The following SETBP1 variants were observed in gnomAD, a reference collection of about 807,000 sequenced individuals.
SETBP1 encodes the protein SET binding protein 1.
In SETBP1, 9 loss-of-function variants were observed where a neutral mutation model predicts 101.0. The observed-to-expected ratio is 0.09, with a 90% CI of 0.05 to 0.16. SETBP1 has a LOEUF of 0.16. Ranked by LOEUF, SETBP1 falls within the 10% of genes least tolerant of loss-of-function variation. The probability of loss-of-function intolerance (pLI) is 1.00; values close to 1 mark genes in which losing one functional copy is unlikely to be tolerated. For missense variants in SETBP1, 1,858 were observed against 2,033.8 expected, an observed-to-expected ratio of 0.91 and a Z score of 1.66; for synonymous variants, 818 against 788.5, an observed-to-expected ratio of 1.04 and a Z score of -0.63.
chr18:44,809,045 G>A (rs571209953), intron 2 of SETBP1, among the ~76,000 whole-genome samples: 3 of 152,316 alleles, frequency 2.0e-5, no homozygotes, highest in Non-Finnish European at 4.4e-5. Flanking sequence ...TTCCCAGTGA[G>A]AATAGTGCCT....
chr18:45,038,491 C>A lies in SETBP1; in HGVS notation c.4007C>A (p.Pro1336Gln). The change falls in exon 5 of 6, where the codon CCA (proline) becomes CAA (glutamine). Residue 1336 changes from proline to glutamine, a missense_variant. Around this residue, in one of 12 missense-constraint regions of SETBP1, gnomAD observed 417 missense variants for 389.1 expected, o/e 1.07. Transcript: ENST00000649279. Reference protein sequence around the residue: ...SYDSSMSPGMPSPHLKVDQTA... With the variant: ...SYDSSMSPGMQSPHLKVDQTA... ...TGGGGTTGTTATTTTTTAGGGATGC[C>A]AAGTCCCCACTTAAAAGTGGACCAG... 6.2e-7 allele frequency: 1 copy of A among 1,613,974 alleles called. No individual in the cohort carries two copies. Among genetic ancestry groups the A allele is most frequent in the Non-Finnish European group, 8.5e-7 (1 of 1,179,976 alleles).
At chr18:44,809,265 C>T (rs895385011) in intron 2 of SETBP1, among the ~76,000 whole-genome samples, 9 of 152,122 alleles carry the variant, frequency 5.9e-5, no homozygotes, top group African/African-American at 2.2e-4. Context: ...AAATTAATTA[C>T]ATGAATAAGC....
intron 4 of SETBP1, among the ~76,000 whole-genome samples, chr18:44,954,191 C>G: frequency 6.6e-6 from 1 of 152,134 alleles, no homozygotes; most frequent in South Asian, 2.1e-4. Flanking sequence ...TCCTTCCCTG[C>G]TGTTAGGGCC....
At chr18:44,826,534 T>C (rs2072242808) in intron 2 of SETBP1, among the ~76,000 whole-genome samples, 1 of 151,428 alleles carries the variant, frequency 6.6e-6, no homozygotes, top group South Asian at 2.1e-4. Context: ...GGTGAGAGAG[T>C]TGGGGGCATT....
At chr18:44,707,871 C>T (rs2069256566) in intron 2 of SETBP1, among the ~76,000 whole-genome samples, 1 of 152,164 alleles carries the variant, frequency 6.6e-6, no homozygotes, top group African/African-American at 2.4e-5. Flanking sequence ...CTGAGAGTGA[C>T]TCTGTGTAGA....
intron 3 of SETBP1, among the ~76,000 whole-genome samples, chr18:44,913,652 T>G (rs914374585): frequency 2.0e-5 from 3 of 152,222 alleles, no homozygotes; most frequent in Non-Finnish European, 2.9e-5. Flanking sequence ...GAGCTCACAC[T>G]GGCTACCATT....
intron 2 of SETBP1, among the ~76,000 whole-genome samples, chr18:44,860,451 C>T (rs1165142184): frequency 2.0e-5 from 3 of 152,212 alleles, no homozygotes; most frequent in Admixed American, 6.5e-5. Context: ...AGCAGGCATA[C>T]TGCCTGCAAG....
At chr18:44,910,200 C>A (rs917828338) in intron 3 of SETBP1, among the ~76,000 whole-genome samples, 1 of 152,176 alleles carries the variant, frequency 6.6e-6, no homozygotes, top group Non-Finnish European at 1.5e-5. Flanking sequence ...AACATGCCGA[C>A]TCCCTCCTAT....
rs151120801 is a variant in SETBP1 at position 44,974,744 on chromosome 18, T to A, written c.4000+21404T>A. On this transcript the variant is annotated intron_variant, in intron 4 of 5. Transcript: ENST00000649279. The stretch of plus-strand genomic sequence containing the variant: ...AAAATAAGAACATCCCAAACTCTCA[T>A]GATATTAAGAGCAAGACGAGTCAAA... 1.5e-3 allele frequency among the ~76,000 whole-genome samples: 224 copies of A among 152,272 alleles called. 1 individual carries two copies. Among genetic ancestry groups the A allele is most frequent in the African/African-American group, 5.2e-3 (215 of 41,552 alleles).
rs552353041 is a variant in SETBP1 at position 44,851,442 on chromosome 18, G to A, written c.487-17788G>A. ...AACTCAGAAAGTTACCAGAAGTGGT[G>A]GTCAAAAGAAACATATAAACTGGTA... is the stretch of plus-strand genomic sequence containing the variant. On this transcript the variant is annotated intron_variant, in intron 2 of 5. Transcript: ENST00000649279. Among the ~76,000 whole-genome samples, 47 of 152,240 alleles carry A rather than the reference G, an allele frequency of 3.1e-4. 1 individual carries two copies. The highest frequency in any genetic ancestry group is 6.8e-3 in the Middle Eastern group (2 of 294).
chr18:44,895,629 C>T (rs115738472), intron 3 of SETBP1, among the ~76,000 whole-genome samples: 34 of 152,132 alleles, frequency 2.2e-4, no homozygotes, highest in African/African-American at 8.0e-4. Flanking sequence ...TTCCATTACC[C>T]CATGCTGCCT....
chr18:45,027,331 C>A (rs1004447350), intron 4 of SETBP1, among the ~76,000 whole-genome samples: 1 of 152,038 alleles, frequency 6.6e-6, no homozygotes, highest in African/African-American at 2.4e-5. Context: ...TTATTCTGAC[C>A]AGAAGGAAAC....
In SETBP1 at chr18:44,782,776, G is replaced by A. The variant is rs141499109; in HGVS notation, c.486+80944G>A. Among the ~76,000 whole-genome samples, 335 of 152,250 alleles carry A rather than the reference G, an allele frequency of 2.2e-3. 1 individual carries two copies. The highest frequency in any genetic ancestry group is 7.6e-3 in the African/African-American group (316 of 41,554). ...GGAACTTCCCCCAGCTTGTATTCGC[G>A]GTGGGCATACACCACTAACTGGTCA... On this transcript the variant is annotated intron_variant, in intron 2 of 5. Coordinates refer to ENST00000649279, the MANE Select transcript of SETBP1 (RefSeq NM_015559.3).
chr18:44,830,669 G>C (rs1261950031), intron 2 of SETBP1, among the ~76,000 whole-genome samples: 1 of 152,174 alleles, frequency 6.6e-6, no homozygotes, highest in Non-Finnish European at 1.5e-5. Context: ...AGAGTTACTA[G>C]GGATACTGTT....
At chr18:45,052,919 TAA>T (rs2073746220) in intron 5 of SETBP1, among the ~76,000 whole-genome samples, 3 of 152,182 alleles carry the variant, frequency 2.0e-5, no homozygotes, top group South Asian at 4.1e-4. Context: ...AAAACAAAAT[TAA>T]GTTTCAAAAT....
Position 44,946,991 on chromosome 18 carries a change from C to G in SETBP1, c.541-2890C>G, listed in dbSNP as rs973654825. 3.3e-5 allele frequency among the ~76,000 whole-genome samples: 5 copies of G among 152,130 alleles called. No individual in the cohort carries two copies. In the South Asian group the frequency reaches 1.0e-3, roughly 31 times the overall value. On this transcript the variant is annotated intron_variant, in intron 3 of 5. Transcript: ENST00000649279. The stretch of plus-strand genomic sequence containing the variant: ...ACTATTGACAAAATGAAATACCTGT[C>G]GTAAAATGTATGCTTCTTCATTCAT...
chr18:44,854,346 C>T (rs2072931179), intron 2 of SETBP1, among the ~76,000 whole-genome samples: 1 of 152,198 alleles, frequency 6.6e-6, no homozygotes, highest in Non-Finnish European at 1.5e-5. Flanking sequence ...TACTCAGGTA[C>T]ATCTTGAATT....
intron 3 of SETBP1, among the ~76,000 whole-genome samples, chr18:44,891,252 G>A (rs867316221): frequency 3.9e-5 from 6 of 152,052 alleles, no homozygotes; most frequent in Non-Finnish European, 8.8e-5. Context: ...CCCACAACAC[G>A]TGAGAATTCA....
chr18:44,844,046 T>G (rs2072673962), intron 2 of SETBP1, among the ~76,000 whole-genome samples: 1 of 152,140 alleles, frequency 6.6e-6, no homozygotes, highest in Non-Finnish European at 1.5e-5. Flanking sequence ...CTCCTGTCAT[T>G]TTTTTTACAT....
Sources: allele counts gnomAD v4.1 joint callset (sites outside exome capture counted in the v4.1 genomes callset), GRCh38; gene constraint gnomAD v4.1.1; regional missense constraint gnomAD v4.1.1; transcripts MANE v1.5; gene names NCBI Gene and HGNC (gene_info 2026-07-23, HGNC 2026-07-21).